The following RAF1 variants were observed in gnomAD, a reference collection of about 807,000 sequenced individuals.
The protein encoded by RAF1 is Raf-1 proto-oncogene, serine/threonine kinase.
RAF1 carries 27 observed loss-of-function variants against 81.1 expected under a neutral mutation model. The ratio of observed to expected loss-of-function variants is 0.33; its 90% CI spans 0.25 to 0.46. The LOEUF is 0.46. RAF1 is among the 20% of genes least tolerant of loss of function. The pLI is 1.00. For missense variants in RAF1, 598 were observed against 826.0 expected, an observed-to-expected ratio of 0.72 and a Z score of 3.38; for synonymous variants, 298 against 294.0, an observed-to-expected ratio of 1.01 and a Z score of -0.14.
intron 1 of RAF1, among the ~76,000 whole-genome samples, chr3:12,657,576 A>G (rs1466967296): frequency 6.6e-6 from 1 of 152,160 alleles, no homozygotes; most frequent in Non-Finnish European, 1.5e-5. Context: ...GTTCGAGACC[A>G]GTCTCACTAT....
intron 1 of RAF1, among the ~76,000 whole-genome samples, chr3:12,641,465 C>A (rs559068050): frequency 6.7e-6 from 1 of 148,284 alleles, no homozygotes; most frequent in Non-Finnish European, 1.5e-5. Flanking sequence ...GTGGACATGT[C>A]CCCCCCAAAA....
intron 1 of RAF1, among the ~76,000 whole-genome samples, chr3:12,656,960 G>A (rs942867775): frequency 6.7e-6 from 1 of 149,596 alleles, no homozygotes; most frequent in African/African-American, 2.5e-5. Flanking sequence ...TCACGCCACT[G>A]TACGCCAGCC....
chr3:12,600,920 G>C lies in RAF1; in HGVS notation c.895-505C>G, dbSNP rs189674974. 3.1e-3 allele frequency among the ~76,000 whole-genome samples: 476 copies of C among 152,304 alleles called. 1 individual carries two copies. Among genetic ancestry groups the C allele is most frequent in the Non-Finnish European group, 6.1e-3 (415 of 68,020 alleles). On this transcript the variant is annotated intron_variant, in intron 8 of 17. Coordinates refer to ENST00000442415, the MANE Select transcript of RAF1 (RefSeq NM_001354689.3). Reference sequence around the variant, plus strand: ...ATTCTTTTTCTCAAAAGAAAGCAATGTACACAACAAACATACTCTTTCAAG... The same window carrying C: ...ATTCTTTTTCTCAAAAGAAAGCAATCTACACAACAAACATACTCTTTCAAG...
intron 8 of RAF1, among the ~76,000 whole-genome samples, chr3:12,601,867 A>G (rs998479216): frequency 1.3e-5 from 2 of 152,142 alleles, no homozygotes; most frequent in African/African-American, 4.8e-5. Flanking sequence ...TTGACTGAGC[A>G]TGTTTTGGAG....
rs6763461 is a variant in RAF1 at position 12,635,666 on chromosome 3, A to C, written c.-26-16919T>G. 6.9e-3 allele frequency among the ~76,000 whole-genome samples: 965 copies of C among 139,894 alleles called. 10 individuals carry two copies. The highest frequency in any genetic ancestry group is 0.024 in the African/African-American group (918 of 38,458). The allele number at this position is 139,894 out of a possible 152,430, so 91.8% of individuals were successfully genotyped here. A position where few individuals can be genotyped will look rare whatever the true frequency, so the allele number is the denominator to read the frequency against. ...AAAAAAAAAAAAAAAAAAAAGAGAG[A>C]GAGAGATTACTTTATAAATTTATTA... On this transcript the variant is annotated intron_variant, in intron 1 of 17. Transcript: ENST00000442415.
At position 12,585,166 on chromosome 3, in the gene RAF1, T is replaced by C. The variant is rs2125322086; in HGVS notation, c.1684A>G (p.Met562Val). 6.2e-7 allele frequency: 1 copy of C among 1,614,120 alleles called. No homozygotes were observed. The highest frequency in any genetic ancestry group is 8.5e-7 in the Non-Finnish European group (1 of 1,180,026). Residue 562 changes from methionine (M) to valine (V), a missense_variant, in exon 16 of 18, where the codon ATG becomes GTG. Around this residue, in one of 5 missense-constraint regions of RAF1, gnomAD observed 147 missense variants for 196.1 expected, o/e 0.75. Transcript: ENST00000442415. ...TGAGAATAAGGAAGCTCCCCCGTCA[T>C]CAGTTCATACAATACGATGCCATAG...
At chr3:12,648,714 C>A (rs773883909) in intron 1 of RAF1, among the ~76,000 whole-genome samples, 2 of 152,080 alleles carry the variant, frequency 1.3e-5, no homozygotes, top group African/African-American at 2.4e-5. Context: ...CCACTGTCCT[C>A]CAGCCTGAGT....
chr3:12,632,324 CAAAA>C (rs34396520), intron 1 of RAF1, among the ~76,000 whole-genome samples: 30 of 123,400 alleles, frequency 2.4e-4, no homozygotes, highest in Non-Finnish European at 3.5e-4. Flanking sequence ...AACTCCGTCT[CAAAA>C]AAAAAAAAAA....
At chr3:12,597,440 TGG>T (rs2058720406) in intron 11 of RAF1, among the ~76,000 whole-genome samples, 1 of 152,174 alleles carries the variant, frequency 6.6e-6, no homozygotes, top group South Asian at 2.1e-4. Context: ...GGCTTTTAGC[TGG>T]GGCTTTTAAA....
chr3:12,603,613 G>T (rs556621857), intron 7 of RAF1: 3 of 633,996 alleles, frequency 4.7e-6, no homozygotes, highest in South Asian at 3.6e-5. Context: ...TGTTATTAAA[G>T]ATGAAGCAGA....
At chr3:12,652,475 C>T (rs1248399052) in intron 1 of RAF1, among the ~76,000 whole-genome samples, 1 of 151,934 alleles carries the variant, frequency 6.6e-6, no homozygotes, top group Admixed American at 6.6e-5. Context: ...GAGCCAAGTT[C>T]GCACCACTGC....
rs184356970 is a variant in RAF1 at position 12,640,985 on chromosome 3, T to G, written c.-26-22238A>C. Among the ~76,000 whole-genome samples the G allele has an allele frequency of 6.9e-3, 1,052 of 152,104 alleles. 6 individuals carry two copies. Among genetic ancestry groups the G allele is most frequent in the African/African-American group, 0.024 (993 of 41,490 alleles). On this transcript the variant is annotated intron_variant, in intron 1 of 17. Transcript: ENST00000442415. The stretch of plus-strand genomic sequence containing the variant: ...ACCCAAATGTCCATCAATGACAGAC[T>G]GGATTAAGAAAATGTGGCACATATA...
chr3:12,655,015 T>G (rs369943127), intron 1 of RAF1, among the ~76,000 whole-genome samples: 37 of 118,218 alleles, frequency 3.1e-4, no homozygotes, highest in African/African-American at 1.1e-3. Flanking sequence ...CCCCCCGCCA[T>G]CTCTAAAATA....
chr3:12,602,070 G>A (rs939789924), intron 8 of RAF1, among the ~76,000 whole-genome samples: 2 of 152,152 alleles, frequency 1.3e-5, no homozygotes, highest in Non-Finnish European at 2.9e-5. Flanking sequence ...ATATTCCTAT[G>A]TAGCAGAATA....
rs757646072 is a variant in RAF1, at chr3:12,608,758, T to C, written c.581+8A>G. 7 of 1,613,524 alleles carry C rather than the reference T, an allele frequency of 4.3e-6. No homozygotes were observed. Among genetic ancestry groups the C allele is most frequent in the Non-Finnish European group, 5.1e-6 (6 of 1,179,398 alleles). ...CTATCTTCCTTGGATAAAAGAACAA[T>C]GCCTTACAAGAGTTGTCTGATGTTA... On this transcript the variant is annotated splice_region_variant and intron_variant, in intron 5 of 17. Coordinates refer to ENST00000442415, the MANE Select transcript of RAF1 (RefSeq NM_001354689.3).
intron 1 of RAF1, among the ~76,000 whole-genome samples, chr3:12,634,927 G>A (rs1372175073): frequency 6.6e-6 from 1 of 152,064 alleles, no homozygotes; most frequent in Non-Finnish European, 1.5e-5. Flanking sequence ...TACTATTCAT[G>A]GTTTACAAAA....
At chr3:12,585,552 G>T (rs1359963635) in intron 15 of RAF1, 129 bp downstream of exon 14, 3 of 1,357,426 alleles carry the variant, frequency 2.2e-6, no homozygotes, top group Non-Finnish European at 3.1e-6. Context: ...TTGCCCTGAG[G>T]CTGGCTGTCA....
intron 1 of RAF1, among the ~76,000 whole-genome samples, chr3:12,651,272 T>A (rs2060515255): frequency 6.6e-6 from 1 of 152,244 alleles, no homozygotes; most frequent in African/African-American, 2.4e-5. Context: ...TTTCCCTACA[T>A]GCTTATAATC....
At position 12,585,672 on chromosome 3, in the gene RAF1, G is replaced by C. The variant is rs753830638; in HGVS notation, c.1596+9C>G. 1 of 1,602,076 alleles carries C rather than the reference G, an allele frequency of 6.2e-7. No homozygotes were observed. The highest frequency in any genetic ancestry group is 1.1e-5 in the South Asian group (1 of 90,792). ...ACCAGAGACTGCTGGTGGGAGCCCA[G>C]ATTCTCACCATCCAGAGGACAGAGC... On this transcript the variant is annotated intron_variant, in intron 15 of 17. Coordinates refer to ENST00000442415, the MANE Select transcript of RAF1 (RefSeq NM_001354689.3).
Sources: allele counts gnomAD v4.1 joint callset (sites outside exome capture counted in the v4.1 genomes callset), GRCh38; gene constraint gnomAD v4.1.1; regional missense constraint gnomAD v4.1.1; transcripts MANE v1.5; gene names NCBI Gene and HGNC (gene_info 2026-07-23, HGNC 2026-07-21).